The following NTM variants were observed in gnomAD, a reference collection of about 807,000 sequenced individuals.
NTM encodes IgLON family member 2.
A neutral mutation model predicts 42.1 loss-of-function variants in NTM; 13 were observed. That is an observed-to-expected ratio of 0.31 (90% CI 0.20 to 0.49). NTM has a LOEUF of 0.49. NTM is among the 20% of genes least tolerant of loss of function. NTM has a pLI of 0.99. For synonymous variants in NTM, 187 were observed against 179.2 expected (o/e 1.04, Z -0.35); for missense variants, 373 against 452.8 (o/e 0.82, Z 1.60).
chr11:131,858,371 A>G (rs2046310166), intron 1 of NTM, among the ~76,000 whole-genome samples: 2 of 149,530 alleles, frequency 1.3e-5, no homozygotes, highest in African/African-American at 2.5e-5. Flanking sequence ...CTTTGCAATT[A>G]TTGAAATATT....
intron 1 of NTM, among the ~76,000 whole-genome samples, chr11:131,812,159 T>G (rs1193948834): frequency 2.6e-5 from 4 of 151,232 alleles, no homozygotes; most frequent in Non-Finnish European, 4.4e-5. Context: ...TTCTCTACCC[T>G]TTGTCAGAAA....
intron 4 of NTM, among the ~76,000 whole-genome samples, chr11:132,231,839 A>G (rs977207129): frequency 1.4e-5 from 2 of 144,488 alleles, no homozygotes; most frequent in Admixed American, 7.0e-5. Flanking sequence ...GATAATATCA[A>G]GATGCTGCTG....
rs556155438 is a variant in NTM at position 131,769,768 on chromosome 11, C to T, written c.83-141796C>T. On this transcript the variant is annotated intron_variant, in intron 1 of 8. Transcript: ENST00000683400. The stretch of plus-strand genomic sequence containing the variant: ...CAAATGCTGTGCTTTTTCCACCTCT[C>T]CTTGAGGGAAGGCTTGAGGAGAAAG... 6.3e-4 allele frequency: 99 copies of T among 156,410 alleles called. 2 individuals carry two copies. The South Asian group carries it at 0.017, about 27-fold the overall frequency. The allele number at this position is 156,410 out of a possible 1,614,324, so 9.7% of individuals were successfully genotyped here.
chr11:131,841,040 A>G (rs542702183), intron 1 of NTM, among the ~76,000 whole-genome samples: 1 of 152,340 alleles, frequency 6.6e-6, no homozygotes, highest in African/African-American at 2.4e-5. Context: ...AAACTGAGCT[A>G]ATTCAATTTA....
At chr11:131,585,877 C>T (rs537934661) in intron 1 of NTM, among the ~76,000 whole-genome samples, 4 of 152,298 alleles carry the variant, frequency 2.6e-5, no homozygotes, top group Admixed American at 6.5e-5. Context: ...TACCATCTTT[C>T]CTTTCTTCTC....
At position 131,625,685 on chromosome 11, in the gene NTM, T is replaced by C. The variant is rs370323303; in HGVS notation, c.82+254797T>C. 2.3e-4 allele frequency among the ~76,000 whole-genome samples: 35 copies of C among 152,130 alleles called. No homozygotes were observed. The East Asian group carries it at 5.0e-3, about 22-fold the overall frequency. On this transcript the variant is annotated intron_variant, in intron 1 of 8. Coordinates refer to ENST00000683400, the MANE Select transcript of NTM (RefSeq NM_001352005.2). ...CCAGCATGCCAATAAAGACACAGAA[T>C]GAAGCATGCAGGAATCACCAGGCCC...
In NTM at chr11:132,322,158, G is replaced by T. The variant is rs1416725789; in HGVS notation, c.934+7455G>T. Among the ~76,000 whole-genome samples, 4 of 151,502 alleles carry T rather than the reference G, an allele frequency of 2.6e-5. No individual in the cohort carries two copies. In the East Asian group the frequency reaches 7.8e-4, roughly 29 times the overall value. ...TAACCAGCTAACATCATAATGACAG[G>T]ATCAAATTCACACATAACACTATTA... On this transcript the variant is annotated intron_variant, in intron 7 of 8. Transcript: ENST00000683400.
At chr11:132,072,909 T>C (rs745460600) in intron 2 of NTM, among the ~76,000 whole-genome samples, 1 of 152,180 alleles carries the variant, frequency 6.6e-6, no homozygotes, top group Non-Finnish European at 1.5e-5. Flanking sequence ...CTGGGAACTC[T>C]TCTGAGAGAA....
intron 1 of NTM, among the ~76,000 whole-genome samples, chr11:131,461,094 A>G (rs76242955): frequency 1.5e-3 from 236 of 152,334 alleles, no homozygotes; most frequent in Middle Eastern, 6.8e-3. Flanking sequence ...AATTGTGAAG[A>G]TGAGGGTATC....
At chr11:131,751,929 G>T (rs2082610374) in intron 1 of NTM, among the ~76,000 whole-genome samples, 1 of 152,166 alleles carries the variant, frequency 6.6e-6, no homozygotes, top group African/African-American at 2.4e-5. Flanking sequence ...AGTGGCTGTA[G>T]TGTGATACCT....
intron 1 of NTM, among the ~76,000 whole-genome samples, chr11:131,907,976 G>A (rs537156100): frequency 3.9e-5 from 6 of 152,276 alleles, no homozygotes; most frequent in African/African-American, 1.4e-4. Context: ...AATTATGTGG[G>A]CATCTCTGAC....
At chr11:131,575,335 A>T (rs934581458) in intron 1 of NTM, among the ~76,000 whole-genome samples, 1 of 152,210 alleles carries the variant, frequency 6.6e-6, no homozygotes, top group Non-Finnish European at 1.5e-5. Flanking sequence ...TTCCAAAAGT[A>T]CACTTACAGT....
intron 1 of NTM, among the ~76,000 whole-genome samples, chr11:131,390,588 G>C (rs534905478): frequency 6.6e-6 from 1 of 152,134 alleles, no homozygotes; most frequent in Non-Finnish European, 1.5e-5. Flanking sequence ...ATTGAGGTCG[G>C]GGTGGAGAAG....
intron 2 of NTM, among the ~76,000 whole-genome samples, chr11:131,987,444 C>A (rs1347593717): frequency 4.0e-5 from 6 of 148,682 alleles, no homozygotes; most frequent in Admixed American, 4.0e-4. Context: ...TTCATTCCAG[C>A]CCATCCCATC....
intron 2 of NTM, among the ~76,000 whole-genome samples, chr11:131,931,009 A>C (rs997224424): frequency 6.6e-5 from 10 of 152,172 alleles, no homozygotes; most frequent in African/African-American, 2.2e-4. Context: ...AAAAGCAGAA[A>C]GGCTTTGACA....
intron 2 of NTM, among the ~76,000 whole-genome samples, chr11:132,102,101 A>T (rs112368778): frequency 0.014 from 2,063 of 152,170 alleles, 23 homozygotes; most frequent in Non-Finnish European, 0.021. Context: ...TAGCCTTCAC[A>T]TTCTTTTTCT....
intron 1 of NTM, among the ~76,000 whole-genome samples, chr11:131,376,635 G>A (rs1942011875): frequency 6.6e-6 from 1 of 150,798 alleles, no homozygotes; most frequent in South Asian, 2.1e-4. Context: ...CTTCAGCTCT[G>A]TTACTAAGGA....
intron 3 of NTM, among the ~76,000 whole-genome samples, chr11:132,196,017 T>G (rs181053033): frequency 6.6e-6 from 1 of 152,068 alleles, no homozygotes; most frequent in African/African-American, 2.4e-5. Flanking sequence ...CGACAACCTA[T>G]GGAATGGAAG....
intron 1 of NTM, among the ~76,000 whole-genome samples, chr11:131,428,854 G>C (rs1273522900): frequency 7.2e-6 from 1 of 139,004 alleles, no homozygotes; most frequent in African/African-American, 2.8e-5. Flanking sequence ...GGCCCACATG[G>C]TGAAACCCCA....
Sources: allele counts gnomAD v4.1 joint callset (sites outside exome capture counted in the v4.1 genomes callset), GRCh38; gene constraint gnomAD v4.1.1; transcripts MANE v1.5; gene names NCBI Gene and HGNC (gene_info 2026-07-23, HGNC 2026-07-21).